ERI1: variants seen among roughly 807,000 people sequenced by gnomAD.
The protein encoded by ERI1 is 3'-5' exoribonuclease 1.
A neutral mutation model predicts 39.7 loss-of-function variants in ERI1; 39 were observed. The observed-to-expected ratio is 0.98, with a 90% CI of 0.76 to 1.28. ERI1 has a LOEUF of 1.28. Ranked by LOEUF, ERI1 falls within the 50% of genes most tolerant of loss-of-function variation. The pLI, the probability that ERI1 is intolerant of heterozygous loss-of-function variation, is 0.00. For synonymous variants in ERI1, 204 were observed against 149.6 expected, an observed-to-expected ratio of 1.36 and a Z score of -2.65; for missense variants, 581 against 416.9, an observed-to-expected ratio of 1.39 and a Z score of -3.43.
intron 6 of ERI1, among the ~76,000 whole-genome samples, chr8:9,026,952 C>T (rs556888005): frequency 6.6e-6 from 1 of 152,086 alleles, no homozygotes; most frequent in East Asian, 1.9e-4. Flanking sequence ...CATGGATGTA[C>T]AGATACCATT....
chr8:9,017,141 G>A (rs901957294), intron 4 of ERI1, among the ~76,000 whole-genome samples: 8 of 152,184 alleles, frequency 5.3e-5, no homozygotes, highest in Admixed American at 2.6e-4. Context: ...CCAGGTTCAA[G>A]CGATTCTCCT....
At chr8:9,011,494 T>C in intron 2 of ERI1, 48 bp from the exon 3 acceptor site, 1 of 1,344,900 alleles carries the variant, frequency 7.4e-7, no homozygotes, top group Non-Finnish European at 1.0e-6. Context: ...TTTTGATTCT[T>C]GACTGTAGAA....
intron 3 of ERI1, among the ~76,000 whole-genome samples, chr8:9,050,580 T>C (rs1157496720): frequency 2.0e-5 from 3 of 152,110 alleles, no homozygotes; most frequent in Non-Finnish European, 2.9e-5. Flanking sequence ...GGTCTATTCC[T>C]GTCTGAGTCC....
At chr8:9,005,502 C>T (rs1215349074) in intron 1 of ERI1, among the ~76,000 whole-genome samples, 2 of 150,312 alleles carry the variant, frequency 1.3e-5, no homozygotes, top group Non-Finnish European at 3.0e-5. Flanking sequence ...AGTTCAACAA[C>T]AGTTTTTTTA....
At position 9,013,870 on chromosome 8, in the gene ERI1, T is replaced by C. The variant is rs976143696; in HGVS notation, c.498+2118T>C. ...CCTGTTTGGCTCTGCCTTCAAAATATATCCAGAACCCAGTCACTTAACTGA... is the reference window on the plus strand; with the variant it reads ...CCTGTTTGGCTCTGCCTTCAAAATACATCCAGAACCCAGTCACTTAACTGA... On this transcript the variant is annotated intron_variant, in intron 3 of 6. Coordinates refer to ENST00000250263, the MANE Select transcript of ERI1 (RefSeq NM_153332.4). Among the ~76,000 whole-genome samples the C allele has an allele frequency of 3.3e-5, 5 of 152,178 alleles. No individual in the cohort carries two copies. The South Asian group carries it at 1.0e-3, about 32-fold the overall frequency.
chr8:9,027,961 G>C (rs956061351), intron 6 of ERI1, among the ~76,000 whole-genome samples: 1 of 152,110 alleles, frequency 6.6e-6, no homozygotes. Context: ...ATATGCTGCT[G>C]ATTTAAATTT....
intron 3 of ERI1, among the ~76,000 whole-genome samples, chr8:9,069,450 G>C (rs1038103944): frequency 8.5e-5 from 13 of 152,322 alleles, no homozygotes; most frequent in African/African-American, 3.1e-4. Context: ...AATCTTCCCT[G>C]ACAATGCTGG....
At chr8:9,078,826 C>G (rs1367582562) in intron 3 of ERI1, among the ~76,000 whole-genome samples, 1 of 152,100 alleles carries the variant, frequency 6.6e-6, no homozygotes, top group African/African-American at 2.4e-5. Flanking sequence ...TTTTTCTCTT[C>G]TTTTGTTTTT....
At chr8:9,025,983 G>T (rs1422470536) in intron 6 of ERI1, among the ~76,000 whole-genome samples, 1 of 152,154 alleles carries the variant, frequency 6.6e-6, no homozygotes, top group Non-Finnish European at 1.5e-5. Flanking sequence ...TTAGAAAGCA[G>T]AACTGTCACT....
chr8:9,024,029 C>T (rs527715006), intron 6 of ERI1, among the ~76,000 whole-genome samples: 14 of 151,974 alleles, frequency 9.2e-5, no homozygotes, highest in African/African-American at 3.1e-4. Context: ...CTTGAAGTCC[C>T]AACCTTGTGA....
intron 3 of ERI1, among the ~76,000 whole-genome samples, chr8:9,051,268 G>T (rs961291020): frequency 6.6e-6 from 1 of 151,994 alleles, no homozygotes; most frequent in Non-Finnish European, 1.5e-5. Context: ...CCTTGTTGCT[G>T]GTGGGGACTC....
chr8:9,021,184 C>A (rs1162630709), intron 6 of ERI1, among the ~76,000 whole-genome samples: 2 of 152,170 alleles, frequency 1.3e-5, no homozygotes, highest in South Asian at 4.1e-4. Context: ...TAATAATTTA[C>A]TTCCGCGGTT....
downstream of ERI1, among the ~76,000 whole-genome samples, chr8:9,034,833 A>G (rs1797790598): frequency 6.6e-6 from 1 of 152,232 alleles, no homozygotes; most frequent in South Asian, 2.1e-4. Flanking sequence ...GATCCAAATT[A>G]GCAAAGTTGT....
intron 1 of ERI1, 121 bp downstream of exon 1, chr8:9,003,292 C>T (rs773650520): frequency 5.5e-6 from 3 of 547,420 alleles, no homozygotes; most frequent in Non-Finnish European, 8.3e-6. Flanking sequence ...TGGACCCCAG[C>T]CTCTTCCTCG....
chr8:9,028,830 G>T (rs1797377256), intron 6 of ERI1, among the ~76,000 whole-genome samples: 1 of 151,944 alleles, frequency 6.6e-6, no homozygotes, highest in South Asian at 2.1e-4. Context: ...CACCATGTTG[G>T]CCAGGCTGGT....
chr8:9,092,964 C>T lies in ERI1; in HGVS notation n.300-23384C>T, dbSNP rs115034857. Among the ~76,000 whole-genome samples, 486 of 152,330 alleles carry T rather than the reference C, an allele frequency of 3.2e-3. 2 individuals are homozygous for T. Among genetic ancestry groups the T allele is most frequent in the African/African-American group, 0.011 (465 of 41,564 alleles). ...GGTTTGCTGGGAGTCTTTGGCGTTC[C>T]TTGGCTCGTGGGCCCATCACTCTAA... On this transcript the variant is annotated intron_variant and non_coding_transcript_variant, in intron 3 of 3. Transcript: ENST00000518663.
chr8:9,021,990 C>G (rs1014717559), intron 6 of ERI1, among the ~76,000 whole-genome samples: 1 of 151,786 alleles, frequency 6.6e-6, no homozygotes, highest in African/African-American at 2.4e-5. Context: ...TGTCTGTGCA[C>G]TCGTTTTTCT....
chr8:9,014,954 C>T (rs1475993710), intron 3 of ERI1, among the ~76,000 whole-genome samples: 1 of 152,176 alleles, frequency 6.6e-6, no homozygotes, highest in Non-Finnish European at 1.5e-5. Context: ...TATCCCACCT[C>T]AGCTCCTTGA....
chr8:9,074,589 A>G (rs534209096), intron 3 of ERI1, among the ~76,000 whole-genome samples: 7 of 152,044 alleles, frequency 4.6e-5, no homozygotes, highest in Non-Finnish European at 8.8e-5. Flanking sequence ...CTACAGGTAT[A>G]TACTATTATG....
Sources: allele counts gnomAD v4.1 joint callset (sites outside exome capture counted in the v4.1 genomes callset), GRCh38; gene constraint gnomAD v4.1.1; transcripts MANE v1.5; gene names NCBI Gene and HGNC (gene_info 2026-07-23, HGNC 2026-07-21).